TM4SF18: variants seen among roughly 807,000 people sequenced by gnomAD.
TM4SF18 encodes the protein transmembrane 4 L6 family member 18.
A neutral mutation model predicts 23.8 loss-of-function variants in TM4SF18; 22 were observed. That is an observed-to-expected ratio of 0.92 (90% CI 0.66 to 1.32). TM4SF18 has a LOEUF of 1.32. Ranked by LOEUF, TM4SF18 falls within the 40% of genes most tolerant of loss-of-function variation. The pLI is 0.00. For missense variants in TM4SF18, 255 were observed against 240.3 expected (o/e 1.06, Z -0.41); for synonymous variants, 87 against 87.9 (o/e 0.99, Z 0.06).
At chr3:149,325,307 A>G (rs1730916743) in intron 3 of TM4SF18, among the ~76,000 whole-genome samples, 1 of 152,196 alleles carries the variant, frequency 6.6e-6, no homozygotes, top group African/African-American at 2.4e-5. Flanking sequence ...ATCTCCTCTT[A>G]TGAAAATGCA....
chr3:149,326,483 C>T (rs1247491330), intron 3 of TM4SF18, among the ~76,000 whole-genome samples: 2 of 152,118 alleles, frequency 1.3e-5, no homozygotes, highest in African/African-American at 4.8e-5. Context: ...AAATAACTGC[C>T]AAGGTGATGC....
At position 149,318,577 on chromosome 3, in the gene TM4SF18, A is replaced by G. The variant is rs1268138831; in HGVS notation, c.*2901T>C. On this transcript the variant is annotated 3_prime_UTR_variant, in exon 6 of 6. Coordinates refer to ENST00000296059, the MANE Select transcript of TM4SF18 (RefSeq NM_138786.4). Reference sequence around the variant, plus strand: ...TCAAAGGGAAATTTGAAAATACTGAACAATGTAAAGAAAAGAGATAGAACT... The same window carrying G: ...TCAAAGGGAAATTTGAAAATACTGAGCAATGTAAAGAAAAGAGATAGAACT... 1 of 152,228 alleles carries G rather than the reference A, an allele frequency of 6.6e-6. No homozygotes were observed. The highest frequency in any genetic ancestry group is 2.4e-5 in the African/African-American group (1 of 41,470). The allele number at this position is 152,228 out of a possible 1,614,324, so 9.4% of individuals were successfully genotyped here.
intron 2 of TM4SF18, among the ~76,000 whole-genome samples, chr3:149,331,175 A>G (rs1299533042): frequency 6.6e-6 from 1 of 152,168 alleles, no homozygotes; most frequent in Non-Finnish European, 1.5e-5. Context: ...TTTAGGACTG[A>G]ATCCCACAGC....
chr3:149,328,240 G>GA (rs1730999559), intron 3 of TM4SF18, among the ~76,000 whole-genome samples: 1 of 152,130 alleles, frequency 6.6e-6, no homozygotes. Flanking sequence ...CAGATTCAGT[G>GA]TCTGGTGAGG....
intron 3 of TM4SF18, among the ~76,000 whole-genome samples, chr3:149,326,732 T>C (rs1471698612): frequency 6.6e-6 from 1 of 152,216 alleles, no homozygotes; most frequent in Non-Finnish European, 1.5e-5. Flanking sequence ...ATCTTCTAAT[T>C]CATTGTGCTA....
chr3:149,326,303 C>T (rs896353903), intron 3 of TM4SF18, among the ~76,000 whole-genome samples: 1 of 152,100 alleles, frequency 6.6e-6, no homozygotes, highest in Admixed American at 6.6e-5. Context: ...CTGGGCTTTT[C>T]TGATTATTTT....
At chr3:149,322,741 T>G (rs1413367972) in intron 4 of TM4SF18, among the ~76,000 whole-genome samples, 1 of 152,102 alleles carries the variant, frequency 6.6e-6, no homozygotes, top group Non-Finnish European at 1.5e-5. Context: ...TTTATTTATT[T>G]TCTACTTTCT....
rs578093334 is a variant in TM4SF18 at position 149,322,309 on chromosome 3, C to A, written c.538G>T (p.Val180Leu). ...AGTATCTTGGATAGTTGCATGACTA[C>A]TCTGATGAGGCAGATGATCACTTGA... is the stretch of plus-strand genomic sequence containing the variant. Reference protein sequence around the residue: ...GLQVIICLIRVVMQLSKILCG... With the variant: ...GLQVIICLIRLVMQLSKILCG... Residue 180 changes from valine (V) to leucine (L), a missense_variant, in exon 5 of 6, where the codon GTA becomes TTA. Coordinates refer to ENST00000296059, the MANE Select transcript of TM4SF18 (RefSeq NM_138786.4). 3 of 1,614,044 alleles carry A rather than the reference C, an allele frequency of 1.9e-6. No homozygotes were observed. Among genetic ancestry groups the A allele is most frequent in the Non-Finnish European group, 2.5e-6 (3 of 1,179,980 alleles).
rs532229070 is a variant in TM4SF18, at chr3:149,333,571, T to C, written c.-76A>G. ...CATGAGGAGACGGGGAATTGGAATA[T>C]ACCCGCAGCCGACAATCTCAGTGTG... On this transcript the variant is annotated 5_prime_UTR_variant, in exon 1 of 6. Transcript: ENST00000296059. 146 of 439,392 alleles carry C rather than the reference T, an allele frequency of 3.3e-4. No individual in the cohort carries two copies. The East Asian group carries it at 4.8e-3, about 14-fold the overall frequency. The allele number at this position is 439,392 out of a possible 1,614,324, so 27.2% of individuals were successfully genotyped here. A position where few individuals can be genotyped will look rare whatever the true frequency, so the allele number is the denominator to read the frequency against.
At chr3:149,333,105 T>C (rs2108364038) in intron 2 of TM4SF18, 101 bp downstream of exon 2, 3 of 1,179,186 alleles carry the variant, frequency 2.5e-6, no homozygotes, top group South Asian at 3.1e-5. Context: ...CACCCAAGAT[T>C]AGCAGAATGA....
chr3:149,324,521 A>G (rs1324864875), intron 4 of TM4SF18, among the ~76,000 whole-genome samples: 1 of 152,142 alleles, frequency 6.6e-6, no homozygotes, highest in Admixed American at 6.5e-5. Context: ...CTGGCCATAA[A>G]ACAAAACTGA....
At chr3:149,330,893 A>G (rs1217457392) in intron 2 of TM4SF18, among the ~76,000 whole-genome samples, 2 of 152,158 alleles carry the variant, frequency 1.3e-5, no homozygotes, top group South Asian at 2.1e-4. Context: ...CTGAAACCAT[A>G]TCTCTTTAAA....
chr3:149,324,013 A>G (rs543692891), intron 4 of TM4SF18, among the ~76,000 whole-genome samples: 105 of 152,334 alleles, frequency 6.9e-4, no homozygotes, highest in African/African-American at 2.5e-3. Flanking sequence ...AAGACCTCAG[A>G]TGGACATGGG....
At chr3:149,332,037 A>C (rs1436273592) in intron 2 of TM4SF18, among the ~76,000 whole-genome samples, 1 of 152,170 alleles carries the variant, frequency 6.6e-6, no homozygotes, top group East Asian at 1.9e-4. Context: ...TCCTCAGAAA[A>C]AATGATGAGA....
intron 3 of TM4SF18, 45 bp from the exon 4 acceptor site, chr3:149,325,067 AGG>A (rs1280537159): frequency 6.3e-7 from 1 of 1,588,580 alleles, no homozygotes; most frequent in Non-Finnish European, 8.6e-7. Flanking sequence ...GAATGCGACA[AGG>A]GGATATTGTG....
chr3:149,327,393 C>A (rs1730977176), intron 3 of TM4SF18, among the ~76,000 whole-genome samples: 1 of 148,444 alleles, frequency 6.7e-6, no homozygotes, highest in African/African-American at 2.5e-5. Context: ...AGCTTGGAGA[C>A]AGATGCAAGT....
intron 4 of TM4SF18, among the ~76,000 whole-genome samples, chr3:149,322,904 AC>A (rs1365967636): frequency 6.3e-5 from 6 of 95,312 alleles, no homozygotes; most frequent in East Asian, 4.7e-4. Flanking sequence ...TGGCCTCCAG[AC>A]TTTTTTTTTT....
intron 3 of TM4SF18, 149 bp from the exon 4 acceptor site, chr3:149,325,171 T>A: frequency 3.0e-6 from 2 of 674,066 alleles, no homozygotes; most frequent in Non-Finnish European, 4.7e-6. Flanking sequence ...AAAAAAAAAG[T>A]AATCCAAACC....
chr3:149,321,596 T>C (rs1730810891), intron 5 of TM4SF18, 104 bp from the exon 6 acceptor site: 4 of 712,630 alleles, frequency 5.6e-6, no homozygotes, highest in Non-Finnish European at 9.2e-6. Context: ...ATATTCAAAA[T>C]ATGATAGAAC....
Sources: gnomAD v4.1 joint callset for allele counts (sites outside exome capture counted in the v4.1 genomes callset) on GRCh38, gnomAD v4.1.1 for gene constraint, MANE v1.5 for transcripts, NCBI Gene and HGNC (gene_info 2026-07-23, HGNC 2026-07-21) for gene names.